The following PLPPR1 variants were observed in gnomAD, a reference collection of about 807,000 sequenced individuals.
PLPPR1 encodes phospholipid phosphatase related 1, also known as phospholipid phosphatase-related protein type 1.
A neutral mutation model predicts 33.1 loss-of-function variants in PLPPR1; 10 were observed. That is an observed-to-expected ratio of 0.30 (90% CI 0.19 to 0.51). The LOEUF is 0.51. Among genes scored for constraint, PLPPR1 ranks in the 20% least tolerant of loss-of-function variants. The probability of loss-of-function intolerance (pLI) is 0.97; values close to 1 mark genes in which losing one functional copy is unlikely to be tolerated. For synonymous variants in PLPPR1, 151 were observed against 151.0 expected (o/e 1.00, Z 0.00); for missense variants, 304 against 408.1 (o/e 0.74, Z 2.20).
At chr9:101,291,378 A>G (rs1828503346) in intron 4 of PLPPR1, among the ~76,000 whole-genome samples, 3 of 152,234 alleles carry the variant, frequency 2.0e-5, no homozygotes, top group Admixed American at 2.0e-4. Context: ...ACAAACAAAA[A>G]GACAGCGGTA....
intron 4 of PLPPR1, among the ~76,000 whole-genome samples, chr9:101,291,687 G>C (rs942793758): frequency 6.6e-6 from 1 of 152,156 alleles, no homozygotes; most frequent in African/African-American, 2.4e-5. Flanking sequence ...ACAGGGTCTG[G>C]AGTGGACCTC....
intron 1 of PLPPR1, among the ~76,000 whole-genome samples, chr9:101,052,196 A>G (rs1830230395): frequency 6.6e-6 from 1 of 152,236 alleles, no homozygotes; most frequent in African/African-American, 2.4e-5. Context: ...TAATAAGCAC[A>G]TAATAAATAT....
chr9:101,286,476 C>A (rs1012684905), intron 4 of PLPPR1, among the ~76,000 whole-genome samples: 1 of 152,010 alleles, frequency 6.6e-6, no homozygotes, highest in Non-Finnish European at 1.5e-5. Flanking sequence ...TTCCCCTGGA[C>A]GTATGTTTTA....
rs769058028 is a variant in PLPPR1 at position 101,191,553 on chromosome 9, G to T, written c.63+5996G>T. 4.6e-5 allele frequency among the ~76,000 whole-genome samples: 7 copies of T among 151,738 alleles called. No homozygotes were observed. In the South Asian group the frequency reaches 1.5e-3, roughly 31 times the overall value. ...TGCTTGAGACTTTTTTTGTAAAAAG[G>T]ACTTCTCTGAGGAAAAACACATTCT... On this transcript the variant is annotated intron_variant, in intron 2 of 7. Coordinates refer to ENST00000374874, the MANE Select transcript of PLPPR1 (RefSeq NM_207299.2).
rs551332528 is a variant in PLPPR1, at chr9:101,033,250, G to A, written c.-46+4148G>A. On this transcript the variant is annotated intron_variant, in intron 1 of 7. Coordinates refer to ENST00000374874, the MANE Select transcript of PLPPR1 (RefSeq NM_207299.2). ...TTTGTTTTCAAATTGACTACAGGGA[G>A]TGCAACAGAAGGCAAATCCAAGATA... Among the ~76,000 whole-genome samples the A allele has an allele frequency of 8.8e-4, 134 of 152,318 alleles. 3 individuals are homozygous for A. In the South Asian group the frequency reaches 0.027, roughly 31 times the overall value.
At chr9:101,294,515 A>G (rs1828582843) in intron 4 of PLPPR1, among the ~76,000 whole-genome samples, 14 of 150,682 alleles carry the variant, frequency 9.3e-5, no homozygotes, top group African/African-American at 1.5e-4. Context: ...AGAATTTTAG[A>G]CCAATATCCT....
intron 2 of PLPPR1, among the ~76,000 whole-genome samples, chr9:101,246,101 T>TAG (rs1275479745): frequency 2.6e-4 from 27 of 103,976 alleles, no homozygotes; most frequent in Non-Finnish European, 3.6e-4. Context: ...TATATATATA[T>TAG]ATATATATAG....
intron 4 of PLPPR1, among the ~76,000 whole-genome samples, chr9:101,304,057 A>C (rs913934104): frequency 1.3e-5 from 2 of 152,018 alleles, no homozygotes; most frequent in African/African-American, 4.8e-5. Flanking sequence ...ACTGCATTAG[A>C]ATAGAGAGTG....
chr9:101,121,618 C>A (rs760725349), intron 1 of PLPPR1, among the ~76,000 whole-genome samples: 6 of 152,160 alleles, frequency 3.9e-5, no homozygotes, highest in Non-Finnish European at 7.4e-5. Flanking sequence ...TAGCTTCATT[C>A]TACATTCACC....
At chr9:101,224,341 A>T (rs1015958631) in intron 2 of PLPPR1, among the ~76,000 whole-genome samples, 1 of 152,192 alleles carries the variant, frequency 6.6e-6, no homozygotes, top group East Asian at 1.9e-4. Flanking sequence ...AATTTTGAAC[A>T]TTCATTTTAG....
intron 1 of PLPPR1, among the ~76,000 whole-genome samples, chr9:101,179,477 A>C (rs1165962703): frequency 6.6e-6 from 1 of 152,220 alleles, no homozygotes; most frequent in Non-Finnish European, 1.5e-5. Context: ...ACTTGTACTA[A>C]GAAAATATCT....
intron 1 of PLPPR1, among the ~76,000 whole-genome samples, chr9:101,165,885 T>G (rs3097688): frequency 6.6e-6 from 1 of 151,986 alleles, no homozygotes; most frequent in Non-Finnish European, 1.5e-5. Context: ...GAATTCACTC[T>G]CCTGCCTGTC....
At chr9:101,155,604 C>G (rs112425836) in intron 1 of PLPPR1, among the ~76,000 whole-genome samples, 2 of 144,102 alleles carry the variant, frequency 1.4e-5, no homozygotes, top group Non-Finnish European at 3.0e-5. Context: ...CTCTCTCTCT[C>G]TTTTTTTTTT....
chr9:101,127,326 C>T (rs1044850255), intron 1 of PLPPR1, among the ~76,000 whole-genome samples: 33 of 152,138 alleles, frequency 2.2e-4, no homozygotes, highest in African/African-American at 5.5e-4. Context: ...CGAAGTCCGG[C>T]GGAGTCTAAG....
At chr9:101,209,246 CTA>C (rs1025460151) in intron 2 of PLPPR1, among the ~76,000 whole-genome samples, 2 of 152,158 alleles carry the variant, frequency 1.3e-5, no homozygotes, top group African/African-American at 4.8e-5. Flanking sequence ...TTTACAGAAA[CTA>C]TGTGAGTTTC....
At chr9:101,301,564 C>G (rs887468108) in intron 4 of PLPPR1, among the ~76,000 whole-genome samples, 1 of 152,104 alleles carries the variant, frequency 6.6e-6, no homozygotes, top group Admixed American at 6.5e-5. Context: ...GACAAGCAGG[C>G]TATTGTCAGC....
intron 1 of PLPPR1, among the ~76,000 whole-genome samples, chr9:101,155,476 A>G (rs1304930104): frequency 6.6e-6 from 1 of 152,094 alleles, no homozygotes; most frequent in Non-Finnish European, 1.5e-5. Flanking sequence ...TTTACCAGGA[A>G]CCCGCACCCG....
At chr9:101,311,800 C>G (rs1011872803) in intron 5 of PLPPR1, among the ~76,000 whole-genome samples, 1 of 152,158 alleles carries the variant, frequency 6.6e-6, no homozygotes, top group Non-Finnish European at 1.5e-5. Flanking sequence ...ATATAAGTAT[C>G]AGCATATTAT....
At chr9:101,270,914 C>G (rs1828085963) in intron 3 of PLPPR1, among the ~76,000 whole-genome samples, 1 of 152,128 alleles carries the variant, frequency 6.6e-6, no homozygotes, top group Non-Finnish European at 1.5e-5. Flanking sequence ...CCCCTACCTG[C>G]CCTCTATTCG....
Sources: allele counts gnomAD v4.1 joint callset (sites outside exome capture counted in the v4.1 genomes callset), GRCh38; gene constraint gnomAD v4.1.1; transcripts MANE v1.5; gene names NCBI Gene and HGNC (gene_info 2026-07-23, HGNC 2026-07-21).